The following ZNF143 variants were observed in gnomAD, a reference collection of about 807,000 sequenced individuals.
ZNF143 encodes zinc finger protein 143.
Under a neutral mutation model 74.1 loss-of-function variants are expected in ZNF143, and 49 were observed. That is an observed-to-expected ratio of 0.66 (90% CI 0.53 to 0.84). The LOEUF is 0.84. Among genes scored for constraint, ZNF143 ranks in the 40% least tolerant of loss-of-function variants. The pLI is 0.00. For synonymous variants in ZNF143, 304 were observed against 282.8 expected, an observed-to-expected ratio of 1.07 and a Z score of -0.75; for missense variants, 637 against 793.4, an observed-to-expected ratio of 0.80 and a Z score of 2.37.
chr11:9,508,112 G>A (rs1401062589), intron 11 of ZNF143, among the ~76,000 whole-genome samples: 3 of 152,138 alleles, frequency 2.0e-5, no homozygotes, highest in Non-Finnish European at 2.9e-5. Flanking sequence ...GCTTTTGATT[G>A]GATGTAAGAA....
At chr11:9,506,269 T>G (rs1589926824) in intron 11 of ZNF143, among the ~76,000 whole-genome samples, 1 of 151,930 alleles carries the variant, frequency 6.6e-6, no homozygotes, top group African/African-American at 2.4e-5. Context: ...GAGGTGGAGG[T>G]TGCAGTGAGT....
chr11:9,525,422 AGTG>A, intron 15 of ZNF143, 36 bp downstream of exon 15: 1 of 1,613,468 alleles, frequency 6.2e-7, no homozygotes, highest in Non-Finnish European at 8.5e-7. Context: ...AGTCGACAGC[AGTG>A]CTGCTCATAG....
At position 9,484,265 on chromosome 11, in the gene ZNF143, C is replaced by T. The variant is rs531697202; in HGVS notation, c.645+4719C>T. Reference sequence around the variant, plus strand: ...CTGGAGTGCAGTGGCCTGATCTCAGCTCACTGCAGCCACTGCCTCCTGGGT... The same window carrying T: ...CTGGAGTGCAGTGGCCTGATCTCAGTTCACTGCAGCCACTGCCTCCTGGGT... On this transcript the variant is annotated intron_variant, in intron 7 of 15. Coordinates refer to ENST00000396602, the MANE Select transcript of ZNF143 (RefSeq NM_003442.6). Among the ~76,000 whole-genome samples the T allele has an allele frequency of 2.0e-5, 3 of 151,490 alleles. 1 individual carries two copies. Among genetic ancestry groups the T allele is most frequent in the South Asian group, 4.1e-4 (2 of 4,824 alleles).
At chr11:9,475,499 C>T (rs545077065) in intron 5 of ZNF143, among the ~76,000 whole-genome samples, 1 of 151,234 alleles carries the variant, frequency 6.6e-6, no homozygotes, top group South Asian at 2.1e-4. Context: ...CAGGCTGGTC[C>T]TGAACTCCTG....
chr11:9,472,527 C>T (rs894631488), intron 2 of ZNF143, 150 bp from the exon 3 acceptor site: 4 of 633,716 alleles, frequency 6.3e-6, no homozygotes, highest in African/African-American at 1.9e-5. Flanking sequence ...GCCGTGATTA[C>T]AGGCGTGAGC....
chr11:9,496,505 C>G, intron 9 of ZNF143, 127 bp downstream of exon 9: 1 of 745,866 alleles, frequency 1.3e-6, no homozygotes, highest in Non-Finnish European at 2.3e-6. Context: ...TTTTCAGTCT[C>G]TCTCATAACT....
chr11:9,514,958 A>G (rs1031166425), intron 13 of ZNF143, among the ~76,000 whole-genome samples: 1 of 152,118 alleles, frequency 6.6e-6, no homozygotes, highest in Admixed American at 6.5e-5. Context: ...GAGAAACCCC[A>G]TCTCTACTAA....
chr11:9,511,182 C>T (rs946181287), intron 12 of ZNF143, among the ~76,000 whole-genome samples: 3 of 127,612 alleles, frequency 2.4e-5, no homozygotes, highest in Non-Finnish European at 5.2e-5. Context: ...GCCATCTCGG[C>T]TCACCACAAG....
At chr11:9,471,554 T>G (rs529789055) in intron 2 of ZNF143, 134 bp downstream of exon 2, 35 of 448,868 alleles carry the variant, frequency 7.8e-5, no homozygotes, top group African/African-American at 6.4e-4. Flanking sequence ...TGTTTTGGTG[T>G]TTTTTTTTTT....
rs12282605 is a variant in ZNF143 at position 9,506,496 on chromosome 11, G to A, written c.1148-2123G>A. Among the ~76,000 whole-genome samples, 437 of 152,322 alleles carry A rather than the reference G, an allele frequency of 2.9e-3. 3 individuals carry two copies. Among genetic ancestry groups the A allele is most frequent in the African/African-American group, 1.0e-2 (414 of 41,566 alleles). ...TAGGTAGAGCAGTGCTCTCAAATGA[G>A]TCTGCATATTGGATGTATCTCTTTA... On this transcript the variant is annotated intron_variant, in intron 11 of 15. Transcript: ENST00000396602.
At chr11:9,486,378 TATATATATA>T (rs1248916869) in intron 7 of ZNF143, among the ~76,000 whole-genome samples, 6 of 36,200 alleles carry the variant, frequency 1.7e-4, no homozygotes, top group East Asian at 1.6e-3. Context: ...TATAATATAT[TATATATATA>T]ATATATATAA....
At chr11:9,526,880 A>C (rs2134292672) in intron 15 of ZNF143, among the ~76,000 whole-genome samples, 1 of 152,310 alleles carries the variant, frequency 6.6e-6, no homozygotes, top group East Asian at 1.9e-4. Context: ...GCTGGAGTGC[A>C]GTGGCACCAT....
At chr11:9,516,648 A>G (rs1848734249) in intron 14 of ZNF143, among the ~76,000 whole-genome samples, 2 of 152,326 alleles carry the variant, frequency 1.3e-5, no homozygotes, top group South Asian at 4.1e-4. Flanking sequence ...TATTCCTATT[A>G]TCATCATTAT....
intron 5 of ZNF143, among the ~76,000 whole-genome samples, chr11:9,477,517 A>G (rs1857007328): frequency 6.6e-6 from 1 of 152,120 alleles, no homozygotes; most frequent in Non-Finnish European, 1.5e-5. Flanking sequence ...GGCCTCCCAA[A>G]GTGTTGGGAT....
intron 1 of ZNF143, among the ~76,000 whole-genome samples, chr11:9,467,041 A>C (rs1234306333): frequency 2.6e-5 from 4 of 151,118 alleles, no homozygotes; most frequent in Non-Finnish European, 5.9e-5. Context: ...CTACAGGTGC[A>C]TGCCACCGCC....
rs11042372 is a variant in ZNF143, at chr11:9,464,161, T to C, written c.-8+3085T>C. ...AATCCATTTTTTTTAAGAGACAGGG[T>C]CTCACTCTCACCCAGACTGGAGTGC... is the stretch of plus-strand genomic sequence containing the variant. On this transcript the variant is annotated intron_variant, in intron 1 of 15. Transcript: ENST00000396602. Among the ~76,000 whole-genome samples the C allele has an allele frequency of 2.6e-4, 40 of 151,782 alleles. No individual in the cohort carries two copies. In the East Asian group the frequency reaches 7.8e-3, roughly 30 times the overall value.
chr11:9,468,969 A>G (rs1856407534), intron 1 of ZNF143, among the ~76,000 whole-genome samples: 1 of 151,884 alleles, frequency 6.6e-6, no homozygotes, highest in Admixed American at 6.6e-5. Flanking sequence ...CCCCACCTCT[A>G]CTAAAAATAC....
intron 2 of ZNF143, among the ~76,000 whole-genome samples, 164 bp from the exon 3 acceptor site, chr11:9,472,513 A>G (rs998724146): frequency 6.6e-6 from 1 of 152,190 alleles, no homozygotes; most frequent in Admixed American, 6.5e-5. Flanking sequence ...TGGCCTCCCA[A>G]AGTGCCGTGA....
At chr11:9,524,773 T>G (rs752237970) in intron 14 of ZNF143, among the ~76,000 whole-genome samples, 1 of 152,182 alleles carries the variant, frequency 6.6e-6, no homozygotes, top group Non-Finnish European at 1.5e-5. Context: ...TGTTTGTCAG[T>G]AGTACCACTG....
Sources: gnomAD v4.1 joint callset for allele counts (sites outside exome capture counted in the v4.1 genomes callset) on GRCh38, gnomAD v4.1.1 for gene constraint, MANE v1.5 for transcripts, NCBI Gene and HGNC (gene_info 2026-07-23, HGNC 2026-07-21) for gene names.